TEX11: variants seen among roughly 807,000 people sequenced by gnomAD.
The protein encoded by TEX11 is testis-expressed protein 11.
A neutral mutation model predicts 84.4 loss-of-function variants in TEX11; 7 were observed. The ratio of observed to expected loss-of-function variants is 0.08; its 90% CI spans 0.05 to 0.16. The LOEUF is 0.16. TEX11 is among the 10% of genes least tolerant of loss of function. TEX11 has a pLI of 1.00. For missense variants in TEX11, 551 were observed against 660.5 expected, an observed-to-expected ratio of 0.83 and a Z score of 1.82; for synonymous variants, 264 against 222.8, an observed-to-expected ratio of 1.18 and a Z score of -1.64.
At chrX:70,818,086 C>G (rs1308793783) in intron 8 of TEX11, among the ~76,000 whole-genome samples, 2 of 111,070 alleles carry the variant, frequency 1.8e-5, no homozygotes, top group African/African-American at 6.6e-5. Context: ...CCCAGGAGAT[C>G]AAGTCCAGCC....
At position 70,900,393 on chromosome X, in the gene TEX11, AAAAAG is replaced by A. The variant is rs1383429518; in HGVS notation, c.37+7355_37+7359del. 2.8e-4 allele frequency among the ~76,000 whole-genome samples: 14 copies of A among 50,549 alleles called. No individual in the cohort carries two copies. The East Asian group carries it at 8.8e-3, about 32-fold the overall frequency. 43.9% of individuals were successfully genotyped at this position (50,549 alleles called of 115,157 possible). On this transcript the variant is annotated intron_variant, in intron 2 of 29. Coordinates refer to ENST00000374333, the MANE Select transcript of TEX11 (RefSeq NM_031276.3). ...GACTCTATCTCAAAAAAAAAAAAAA[AAAAAG>A]AAGAAGAAGAAGAAAATTGAAAATT...
chrX:70,751,556 CACA>C, intron 9 of TEX11, among the ~76,000 whole-genome samples: 1 of 107,970 alleles, frequency 9.3e-6, no homozygotes, highest in Middle Eastern at 4.7e-3. Flanking sequence ...CTGTGTGCAG[CACA>C]CCAACATGGC....
chrX:70,848,662 G>A (rs1023417855), intron 7 of TEX11, among the ~76,000 whole-genome samples: 5 of 111,803 alleles, frequency 4.5e-5, no homozygotes, highest in Non-Finnish European at 7.5e-5. Flanking sequence ...TATATGCTAC[G>A]TACTATGCTA....
chrX:70,575,548 G>A (rs981526630), intron 25 of TEX11, among the ~76,000 whole-genome samples: 2 of 111,608 alleles, frequency 1.8e-5, no homozygotes, highest in African/African-American at 6.5e-5. Flanking sequence ...CCCCTCTGGA[G>A]GATGCAGCAA....
intron 10 of TEX11, among the ~76,000 whole-genome samples, chrX:70,743,870 A>AC (rs2090749836): frequency 5.6e-5 from 4 of 70,947 alleles, no homozygotes; most frequent in Non-Finnish European, 7.6e-5. Context: ...CTCTATCTCA[A>AC]AACACACACA....
At chrX:70,831,903 C>A (rs1388987612) in intron 8 of TEX11, among the ~76,000 whole-genome samples, 1 of 110,095 alleles carries the variant, frequency 9.1e-6, no homozygotes, top group Admixed American at 9.8e-5. Context: ...GTCAATTATA[C>A]CCCCAATAAA....
rs1185300209 is a variant in TEX11, at chrX:70,598,887, T to G, written c.2067+6514A>C. 6.2e-5 allele frequency among the ~76,000 whole-genome samples: 7 copies of G among 112,445 alleles called. No individual in the cohort carries two copies. In the East Asian group the frequency reaches 1.9e-3, roughly 31 times the overall value. ...AGACAGAAAGTACATGGTTGCTTAG[T>G]GCTGGTGGCAGGCAATGAGAAGTGA... On this transcript the variant is annotated intron_variant, in intron 24 of 29. Coordinates refer to ENST00000374333, the MANE Select transcript of TEX11 (RefSeq NM_031276.3).
At chrX:70,547,027 C>CAAAAAA (rs58220663) in intron 28 of TEX11, among the ~76,000 whole-genome samples, 5 of 33,876 alleles carry the variant, frequency 1.5e-4, no homozygotes, top group African/African-American at 3.9e-4. Context: ...TATTATTCAG[C>CAAAAAA]AAAAAAAAAA....
intron 4 of TEX11, among the ~76,000 whole-genome samples, chrX:70,868,133 A>G (rs779364999): frequency 1.8e-5 from 2 of 112,020 alleles, no homozygotes; most frequent in African/African-American, 3.2e-5. Flanking sequence ...TCCGTCTGAC[A>G]AAGGTCTAAT....
At chrX:70,599,394 G>A (rs2089058150) in intron 24 of TEX11, among the ~76,000 whole-genome samples, 1 of 111,602 alleles carries the variant, frequency 9.0e-6, no homozygotes, top group Non-Finnish European at 1.9e-5. Flanking sequence ...AAGGGTAGAG[G>A]CAATGTTGAT....
chrX:70,641,416 A>T (rs1001902799), intron 17 of TEX11, among the ~76,000 whole-genome samples: 1 of 110,740 alleles, frequency 9.0e-6, no homozygotes, highest in African/African-American at 3.3e-5. Context: ...CACCAAGAGG[A>T]CCTAATAGAC....
chrX:70,621,520 C>CAAAAAAAA (rs1159445117), intron 20 of TEX11, among the ~76,000 whole-genome samples: 2 of 14,939 alleles, frequency 1.3e-4, no homozygotes, highest in Non-Finnish European at 1.9e-4. Flanking sequence ...AACTCGGTCT[C>CAAAAAAAA]AAAAAAAAAA....
intron 15 of TEX11, among the ~76,000 whole-genome samples, chrX:70,675,977 G>A (rs1031401764): frequency 8.9e-6 from 1 of 111,936 alleles, no homozygotes; most frequent in Non-Finnish European, 1.9e-5. Context: ...GGTACCTCAT[G>A]TAAGTGGAAC....
At chrX:70,756,800 G>T (rs765510102) in intron 9 of TEX11, among the ~76,000 whole-genome samples, 1 of 111,973 alleles carries the variant, frequency 8.9e-6, no homozygotes, top group Non-Finnish European at 1.9e-5. Context: ...GCTTCAGAAG[G>T]TTGGTAATAA....
intron 9 of TEX11, among the ~76,000 whole-genome samples, chrX:70,766,924 T>C (rs1289907852): frequency 9.0e-6 from 1 of 111,657 alleles, no homozygotes; most frequent in Non-Finnish European, 1.9e-5. Context: ...TGCAGAAGAA[T>C]GAAACTAGAC....
intron 2 of TEX11, among the ~76,000 whole-genome samples, chrX:70,889,232 A>G (rs2091725305): frequency 9.0e-6 from 1 of 110,613 alleles, no homozygotes; most frequent in Non-Finnish European, 1.9e-5. Flanking sequence ...CCTGGCCAAC[A>G]TGGTGAAACC....
chrX:70,529,647 G>T (rs184242530), intron 29 of TEX11, among the ~76,000 whole-genome samples, 188 bp downstream of exon 29: 356 of 111,660 alleles, frequency 3.2e-3, no homozygotes, highest in Non-Finnish European at 3.9e-3. Context: ...TGTCCTTCTT[G>T]GTTTTTGCTC....
intron 9 of TEX11, among the ~76,000 whole-genome samples, chrX:70,763,907 C>A (rs2090924668): frequency 8.9e-6 from 1 of 112,196 alleles, no homozygotes; most frequent in Admixed American, 9.5e-5. Context: ...CAACACCCCA[C>A]TTTCGGCATT....
chrX:70,728,534 A>C (rs2090617984), intron 11 of TEX11, among the ~76,000 whole-genome samples: 1 of 112,369 alleles, frequency 8.9e-6, no homozygotes, highest in Admixed American at 9.4e-5. Context: ...CCTGGCTTGG[A>C]GGGTCCTACG....
Sources: gnomAD v4.1 joint callset for allele counts (sites outside exome capture counted in the v4.1 genomes callset) on GRCh38, gnomAD v4.1.1 for gene constraint, MANE v1.5 for transcripts, NCBI Gene and HGNC (gene_info 2026-07-23, HGNC 2026-07-21) for gene names.